The following ZNF709 variants were observed in gnomAD, a reference collection of about 807,000 sequenced individuals.
ZNF709 encodes the protein zinc finger protein 709.
A neutral mutation model predicts 10.6 loss-of-function variants in ZNF709; 15 were observed. The ratio of observed to expected loss-of-function variants is 1.41; its 90% CI spans 0.95 to 2.18. The LOEUF (loss-of-function observed/expected upper bound fraction) is 2.18. ZNF709 is among the 30% of genes most tolerant of loss of function. ZNF709 has a pLI of 0.00. For synonymous variants in ZNF709, 194 were observed against 238.8 expected, an observed-to-expected ratio of 0.81 and a Z score of 1.73; for missense variants, 589 against 774.0, an observed-to-expected ratio of 0.76 and a Z score of 2.84.
rs754932447 is a variant in ZNF709, at chr19:12,465,117, T to G, written c.805A>C (p.Ile269Leu). 5 of 1,612,096 alleles carry G rather than the reference T, an allele frequency of 3.1e-6. No homozygotes were observed. The East Asian group carries it at 1.1e-4, about 36-fold the overall frequency. The change falls in exon 4 of 4, where the codon ATA (isoleucine) becomes CTA (leucine). Residue 269 changes from isoleucine to leucine, a missense_variant. Physicochemically the swap from Ile to Leu is conservative, Grantham distance 5. Around this residue, in one of 2 missense-constraint regions of ZNF709, gnomAD observed 418 missense variants for 496.3 expected, o/e 0.84. Coordinates refer to ENST00000397732, the MANE Select transcript of ZNF709 (RefSeq NM_152601.4). ...KAFRYYQTFQ[I>L]HERTHTGEKP... ...TCCCCAGTGTGAGTCCTTTCATGTA[T>G]TTGAAAAGTTTGGTAATATCTGAAA...
Position 12,484,721 on chromosome 19 carries a change from C to T in ZNF709, c.-64G>A. On this transcript the variant is annotated 5_prime_UTR_variant, in exon 1 of 4. Transcript: ENST00000397732. ...CTCCCGCGGCCAGCACAGGTCCTAC[C>T]TCCACCTGAGGCCCTTCCTCCACCT... is the stretch of plus-strand genomic sequence containing the variant. 2 of 1,612,436 alleles carry T rather than the reference C, an allele frequency of 1.2e-6. No individual in the cohort carries two copies. Among genetic ancestry groups the T allele is most frequent in the South Asian group, 1.1e-5 (1 of 90,952 alleles).
At position 12,483,967 on chromosome 19, in the gene ZNF709, C is replaced by T. The variant is rs114777383; in HGVS notation, c.3+688G>A. 6.6e-3 allele frequency among the ~76,000 whole-genome samples: 1,009 copies of T among 152,244 alleles called. 6 individuals carry two copies. The highest frequency in any genetic ancestry group is 0.023 in the African/African-American group (951 of 41,544). On this transcript the variant is annotated intron_variant, in intron 1 of 3. Coordinates refer to ENST00000397732, the MANE Select transcript of ZNF709 (RefSeq NM_152601.4). ...GCAAGAGAGGCACAAGCATTTTACA[C>T]GAGGTAGCTTCAAGTCCTTCTCCTC... is the stretch of plus-strand genomic sequence containing the variant.
At chr19:12,468,720 G>A (rs919537146) in intron 1 of ZNF709, among the ~76,000 whole-genome samples, 8 of 150,718 alleles carry the variant, frequency 5.3e-5, no homozygotes, top group South Asian at 2.1e-4. Context: ...AATGCTATAC[G>A]ATTGAAGCAA....
At chr19:12,472,448 GGAGGT>G (rs1009405060) in intron 1 of ZNF709, among the ~76,000 whole-genome samples, 2 of 151,312 alleles carry the variant, frequency 1.3e-5, no homozygotes, top group Non-Finnish European at 2.9e-5. Flanking sequence ...CTTGAACCCG[GGAGGT>G]GGAGGTTGCA....
At chr19:12,480,141 C>T (rs1970711471) in intron 1 of ZNF709, among the ~76,000 whole-genome samples, 1 of 151,308 alleles carries the variant, frequency 6.6e-6, no homozygotes, top group Non-Finnish European at 1.5e-5. Context: ...GACAACAGAG[C>T]GAGACCCTGT....
intron 1 of ZNF709, among the ~76,000 whole-genome samples, chr19:12,478,171 T>C (rs752489102): frequency 6.6e-6 from 1 of 152,190 alleles, no homozygotes; most frequent in Non-Finnish European, 1.5e-5. Flanking sequence ...CTCTTTTGTC[T>C]CTTTTTCAAA....
In ZNF709 at chr19:12,462,932, TATCTC is replaced by T. The variant is rs1272546649; in HGVS notation, c.*1059_*1063del. On this transcript the variant is annotated 3_prime_UTR_variant, in exon 4 of 4. Coordinates refer to ENST00000397732, the MANE Select transcript of ZNF709 (RefSeq NM_152601.4). ...ACAACTGTATAAGAGCTTACAGAAT[TATCTC>T]ATCTCAGTGTTCTTTTGTGAAAGTA... 7.2e-5 allele frequency: 11 copies of T among 152,330 alleles called. No individual in the cohort carries two copies. The East Asian group carries it at 2.1e-3, about 29-fold the overall frequency. The allele number at this position is 152,330 out of a possible 1,614,324, so 9.4% of individuals were successfully genotyped here.
At chr19:12,484,060 T>C (rs1195790118) in intron 1 of ZNF709, among the ~76,000 whole-genome samples, 2 of 152,174 alleles carry the variant, frequency 1.3e-5, no homozygotes, top group African/African-American at 4.8e-5. Flanking sequence ...TCCATTCCTC[T>C]GTACAAAAAG....
intron 1 of ZNF709, among the ~76,000 whole-genome samples, chr19:12,480,682 CAA>C (rs373494664): frequency 8.8e-5 from 11 of 125,584 alleles, no homozygotes; most frequent in East Asian, 2.6e-4. Context: ...GACTCCGTCT[CAA>C]AAAAAAAAAA....
At chr19:12,483,055 C>A (rs548255542) in intron 1 of ZNF709, among the ~76,000 whole-genome samples, 1 of 152,126 alleles carries the variant, frequency 6.6e-6, no homozygotes, top group South Asian at 2.1e-4. Flanking sequence ...AAGAACAGAC[C>A]TGAGGAACTT....
chr19:12,481,965 G>A (rs1286796186), intron 1 of ZNF709, among the ~76,000 whole-genome samples: 2 of 79,272 alleles, frequency 2.5e-5, no homozygotes, highest in African/African-American at 1.2e-4. Context: ...AGGAAGGAAA[G>A]GAAGAAGGAA....
chr19:12,484,731 G>A lies in ZNF709; in HGVS notation c.-74C>T. ...CAGCACAGGTCCTACCTCCACCTGA[G>A]GCCCTTCCTCCACCTGAGGGCCTTC... is the stretch of plus-strand genomic sequence containing the variant. On this transcript the variant is annotated 5_prime_UTR_variant, in exon 1 of 4. Coordinates refer to ENST00000397732, the MANE Select transcript of ZNF709 (RefSeq NM_152601.4). 2.5e-6 allele frequency: 4 copies of A among 1,608,408 alleles called. No homozygotes were observed. The highest frequency in any genetic ancestry group is 2.2e-5 in the East Asian group (1 of 44,802).
rs2144980794 is a variant in ZNF709, at chr19:12,461,751, T to G, written c.*2245A>C. 6.6e-6 allele frequency: 1 copy of G among 152,228 alleles called. No individual in the cohort carries two copies. Among genetic ancestry groups the G allele is most frequent in the African/African-American group, 2.4e-5 (1 of 41,560 alleles). The allele number at this position is 152,228 out of a possible 1,614,324, so 9.4% of individuals were successfully genotyped here. A position where few individuals can be genotyped will look rare whatever the true frequency, so the allele number is the denominator to read the frequency against. On this transcript the variant is annotated 3_prime_UTR_variant, in exon 4 of 4. Transcript: ENST00000397732. The stretch of plus-strand genomic sequence containing the variant: ...TTGAGTAGAACTTTTGAAGACAATT[T>G]GTGGAAAACTACATCTTTGAAAATA...
intron 1 of ZNF709, among the ~76,000 whole-genome samples, chr19:12,479,730 C>T (rs779237004): frequency 6.6e-6 from 1 of 151,842 alleles, no homozygotes; most frequent in Non-Finnish European, 1.5e-5. Context: ...ATTAGCCGGG[C>T]GTGGTGGTGC....
At chr19:12,471,866 T>A (rs1418680455) in intron 1 of ZNF709, among the ~76,000 whole-genome samples, 3 of 152,196 alleles carry the variant, frequency 2.0e-5, no homozygotes, top group Non-Finnish European at 4.4e-5. Flanking sequence ...CAAACTTTTT[T>A]AAATGCAAGA....
rs1290217185 is a variant in ZNF709 at position 12,461,817 on chromosome 19, T to G, written c.*2179A>C. 1 of 152,102 alleles carries G rather than the reference T, an allele frequency of 6.6e-6. No individual in the cohort carries two copies. The highest frequency in any genetic ancestry group is 1.5e-5 in the Non-Finnish European group (1 of 68,042). The allele number at this position is 152,102 out of a possible 1,614,324, so 9.4% of individuals were successfully genotyped here. A position where few individuals can be genotyped will look rare whatever the true frequency, so the allele number is the denominator to read the frequency against. ...TGCACAGTGGCTCACGCCTGTAATCTCAGCACTTTGGAAGGCCAAGGTGGG... is the reference window on the plus strand; with the variant it reads ...TGCACAGTGGCTCACGCCTGTAATCGCAGCACTTTGGAAGGCCAAGGTGGG... On this transcript the variant is annotated 3_prime_UTR_variant, in exon 4 of 4. Transcript: ENST00000397732.
rs537376951 is a variant in ZNF709, at chr19:12,482,482, A to G, written c.3+2173T>C. 5.9e-5 allele frequency among the ~76,000 whole-genome samples: 9 copies of G among 152,212 alleles called. No homozygotes were observed. In the East Asian group the frequency reaches 1.7e-3, roughly 29 times the overall value. On this transcript the variant is annotated intron_variant, in intron 1 of 3. Coordinates refer to ENST00000397732, the MANE Select transcript of ZNF709 (RefSeq NM_152601.4). ...ATTGTTGTAAGTGAGGAAACTCTCA[A>G]CTGGACTGAGATTAAGGTTCTGACC...
chr19:12,484,688 G>A lies in ZNF709; in HGVS notation c.-31C>T, dbSNP rs1219721667. On this transcript the variant is annotated 5_prime_UTR_variant, in exon 1 of 4. Transcript: ENST00000397732. ...AGACTCTGGGATGTCCTGGTGTTCT[G>A]TTTACCTCTCCCGCGGCCAGCACAG... is the stretch of plus-strand genomic sequence containing the variant. The A allele has an allele frequency of 6.2e-7, 1 of 1,613,948 alleles. No homozygotes were observed. The highest frequency in any genetic ancestry group is 1.1e-5 in the South Asian group (1 of 91,068).
intron 1 of ZNF709, among the ~76,000 whole-genome samples, chr19:12,478,605 C>T (rs1970695028): frequency 6.6e-6 from 1 of 152,244 alleles, no homozygotes; most frequent in African/African-American, 2.4e-5. Flanking sequence ...ACACTAATAA[C>T]AGCGTGGAGA....
Sources: gnomAD v4.1 joint callset for allele counts (sites outside exome capture counted in the v4.1 genomes callset) on GRCh38, gnomAD v4.1.1 for gene constraint, gnomAD v4.1.1 regional missense constraint, MANE v1.5 for transcripts, NCBI Gene and HGNC (gene_info 2026-07-23, HGNC 2026-07-21) for gene names.